The following ADCYAP1R1 variants were observed in gnomAD, a reference collection of about 807,000 sequenced individuals.
ADCYAP1R1 encodes the protein ADCYAP receptor type I, also known as pituitary adenylate cyclase-activating polypeptide type I receptor.
Under a neutral mutation model 67.6 loss-of-function variants are expected in ADCYAP1R1, and 44 were observed. The ratio of observed to expected loss-of-function variants is 0.65; its 90% CI spans 0.51 to 0.84. The LOEUF is 0.84. Ranked by LOEUF, ADCYAP1R1 falls within the 40% of genes least tolerant of loss-of-function variation. The pLI is 0.00. For missense variants in ADCYAP1R1, 477 were observed against 587.9 expected (o/e 0.81, Z 1.95); for synonymous variants, 222 against 219.6 (o/e 1.01, Z -0.10).
intron 15 of ADCYAP1R1, among the ~76,000 whole-genome samples, chr7:31,106,117 T>C (rs1453341979): frequency 6.6e-6 from 1 of 152,244 alleles, no homozygotes; most frequent in Non-Finnish European, 1.5e-5. Flanking sequence ...TTCTAATGTG[T>C]AGCCCACTCT....
chr7:31,082,931 G>A (rs549242570), intron 6 of ADCYAP1R1, among the ~76,000 whole-genome samples: 52 of 152,344 alleles, frequency 3.4e-4, no homozygotes, highest in Non-Finnish European at 5.7e-4. Flanking sequence ...GGAAGCGAGG[G>A]ACACAGATTG....
intron 2 of ADCYAP1R1, 77 bp downstream of exon 2, chr7:31,063,392 G>A: frequency 6.5e-7 from 1 of 1,540,024 alleles, no homozygotes; most frequent in South Asian, 1.1e-5. Flanking sequence ...TGTTTTTTCT[G>A]TACCCTCAGC....
chr7:31,091,354 A>G (rs557705219), intron 12 of ADCYAP1R1, among the ~76,000 whole-genome samples: 17 of 152,308 alleles, frequency 1.1e-4, no homozygotes, highest in African/African-American at 3.8e-4. Flanking sequence ...ATATTCTCCC[A>G]TTCTGTAGGT....
chr7:31,059,792 C>T (rs1363838995), intron 1 of ADCYAP1R1, among the ~76,000 whole-genome samples: 1 of 151,994 alleles, frequency 6.6e-6, no homozygotes, highest in Admixed American at 6.5e-5. Flanking sequence ...CCTGGAGGGG[C>T]TGAAAGGATT....
intron 3 of ADCYAP1R1, among the ~76,000 whole-genome samples, chr7:31,069,269 C>T (rs897413333): frequency 1.3e-5 from 2 of 152,158 alleles, no homozygotes; most frequent in African/African-American, 2.4e-5. Flanking sequence ...ACCAAAGAAT[C>T]GACATCTGTG....
rs1410459031 is a variant in ADCYAP1R1, at chr7:31,107,730, C to A, written c.*1046C>A. On this transcript the variant is annotated 3_prime_UTR_variant, in exon 16 of 16. Transcript: ENST00000304166. ...GAATCTGGGGCCCAGGGCTGCCCGACCCCCACTCCCATGGATGATGAGGAG... is the reference window on the plus strand; with the variant it reads ...GAATCTGGGGCCCAGGGCTGCCCGAACCCCACTCCCATGGATGATGAGGAG... The A allele has an allele frequency of 1.3e-5, 2 of 152,516 alleles. No homozygotes were observed. The highest frequency in any genetic ancestry group is 6.5e-5 in the Admixed American group (1 of 15,288). The allele number at this position is 152,516 out of a possible 1,614,324, so 9.4% of individuals were successfully genotyped here.
At chr7:31,055,498 G>A (rs2128611700) in intron 1 of ADCYAP1R1, among the ~76,000 whole-genome samples, 1 of 152,316 alleles carries the variant, frequency 6.6e-6, no homozygotes, top group East Asian at 1.9e-4. Flanking sequence ...TAGATGATAT[G>A]TAAACAAGTG....
intron 13 of ADCYAP1R1, chr7:31,100,263 G>A (rs749581621): frequency 1.1e-4 from 163 of 1,504,892 alleles, no homozygotes; most frequent in Non-Finnish European, 1.3e-4. Flanking sequence ...GGTGGGGGAC[G>A]CATGCTGCCA....
chr7:31,106,455 G>T, intron 15 of ADCYAP1R1, 41 bp from the exon 16 acceptor site: 1 of 1,567,002 alleles, frequency 6.4e-7, no homozygotes, highest in Non-Finnish European at 8.7e-7. Flanking sequence ...GGCTGCAGAG[G>T]ATGTCCATCT....
intron 5 of ADCYAP1R1, 82 bp downstream of exon 5, chr7:31,080,715 G>A (rs997519063): frequency 1.8e-5 from 26 of 1,475,218 alleles, no homozygotes; most frequent in African/African-American, 2.8e-5. Flanking sequence ...CCCAGGCTCC[G>A]GCTGCTGGGA....
At chr7:31,091,190 A>G (rs1197294069) in intron 12 of ADCYAP1R1, among the ~76,000 whole-genome samples, 1 of 152,120 alleles carries the variant, frequency 6.6e-6, no homozygotes, top group East Asian at 1.9e-4. Context: ...GCATTTTTTC[A>G]TATGTTTGCT....
At chr7:31,097,517 C>G (rs1422300062) in intron 13 of ADCYAP1R1, among the ~76,000 whole-genome samples, 1 of 152,152 alleles carries the variant, frequency 6.6e-6, no homozygotes, top group Non-Finnish European at 1.5e-5. Context: ...TTCAAGAGCC[C>G]TCCAGGGCCA....
rs77904472 is a variant in ADCYAP1R1 at position 31,063,495 on chromosome 7, A to G, written c.51+180A>G. ...TCAGAAAAGACATGCCTTCCTCAAG[A>G]CCCTGTACTGATTTGACCAGAAATG... is the stretch of plus-strand genomic sequence containing the variant. On this transcript the variant is annotated intron_variant, in intron 2 of 15. Coordinates refer to ENST00000304166, the MANE Select transcript of ADCYAP1R1 (RefSeq NM_001118.5). Among the ~76,000 whole-genome samples, 892 of 152,268 alleles carry G rather than the reference A, an allele frequency of 5.9e-3. 8 individuals carry two copies. The highest frequency in any genetic ancestry group is 0.021 in the African/African-American group (854 of 41,556).
intron 1 of ADCYAP1R1, among the ~76,000 whole-genome samples, chr7:31,054,371 T>A (rs191603339): frequency 9.4e-4 from 143 of 152,284 alleles, no homozygotes; most frequent in Middle Eastern, 3.4e-3. Context: ...TCGGGACTGA[T>A]CTAAGCTAAG....
chr7:31,076,798 C>T (rs1362007335), intron 3 of ADCYAP1R1, among the ~76,000 whole-genome samples: 1 of 152,148 alleles, frequency 6.6e-6, no homozygotes, highest in African/African-American at 2.4e-5. Context: ...TGCCCCTCCC[C>T]TTAGGGCGGA....
chr7:31,075,013 G>A (rs928918647), intron 3 of ADCYAP1R1, among the ~76,000 whole-genome samples: 2 of 152,124 alleles, frequency 1.3e-5, no homozygotes, highest in Non-Finnish European at 2.9e-5. Flanking sequence ...ATACCTTCTG[G>A]TCCAAATAGC....
chr7:31,059,394 C>T (rs1196534135), intron 1 of ADCYAP1R1, among the ~76,000 whole-genome samples: 1 of 152,162 alleles, frequency 6.6e-6, no homozygotes, highest in African/African-American at 2.4e-5. Context: ...ATACTAAATG[C>T]CAGGAGGTGA....
At chr7:31,072,005 A>T (rs1373225346) in intron 3 of ADCYAP1R1, among the ~76,000 whole-genome samples, 1 of 42,814 alleles carries the variant, frequency 2.3e-5, no homozygotes, top group African/African-American at 8.5e-5. Context: ...CCATCCAGCC[A>T]CCCACCCACC....
intron 3 of ADCYAP1R1, among the ~76,000 whole-genome samples, chr7:31,071,451 G>A (rs1794975721): frequency 6.6e-6 from 1 of 152,152 alleles, no homozygotes; most frequent in Non-Finnish European, 1.5e-5. Flanking sequence ...TTGGAGTGTT[G>A]TCAGGAGTGG....
Sources: gnomAD v4.1 joint callset for allele counts (sites outside exome capture counted in the v4.1 genomes callset) on GRCh38, gnomAD v4.1.1 for gene constraint, MANE v1.5 for transcripts, NCBI Gene and HGNC (gene_info 2026-07-23, HGNC 2026-07-21) for gene names.